Variants in GLP1R observed in about 807,000 individuals in gnomAD.
The protein encoded by GLP1R is glucagon-like peptide 1 receptor.
A neutral mutation model predicts 68.4 loss-of-function variants in GLP1R; 32 were observed. The observed-to-expected ratio is 0.47, with a 90% confidence interval of 0.35 to 0.63. The LOEUF (loss-of-function observed/expected upper bound fraction) is 0.63, where lower values mean the gene tolerates loss of function less well. GLP1R is among the 20% of genes least tolerant of loss of function. GLP1R has a pLI of 0.00. For missense variants in GLP1R, 502 were observed against 594.9 expected (o/e 0.84, Z 1.62); for synonymous variants, 263 against 244.4 (o/e 1.08, Z -0.71).
intron 2 of GLP1R, 112 bp from the exon 3 acceptor site, chr6:39,057,360 C>A: frequency 1.4e-6 from 1 of 696,976 alleles, no homozygotes; most frequent in East Asian, 2.7e-5. Context: ...AAGCATTCAG[C>A]AGAGGTTAGT....
At chr6:39,076,208 A>G (rs1317144669) in intron 7 of GLP1R, among the ~76,000 whole-genome samples, 2 of 152,186 alleles carry the variant, frequency 1.3e-5, no homozygotes, top group African/African-American at 4.8e-5. Flanking sequence ...TACGTGGTTC[A>G]GGAAATCGGC....
Position 39,079,037 on chromosome 6 carries a change from G to T in GLP1R, c.954+11G>T, listed in dbSNP as rs769093397. 2 of 1,613,570 alleles carry T rather than the reference G, an allele frequency of 1.2e-6. No homozygotes were observed. Among genetic ancestry groups the T allele is most frequent in the South Asian group, 1.1e-5 (1 of 91,068 alleles). ...CTCTTTGCCATTGGGGTGAGTGATG[G>T]TGTCAGGGATGGGAGTGGCAGCTAT... On this transcript the variant is annotated intron_variant, in intron 9 of 12. Transcript: ENST00000373256. The surrounding 1 kb of genome is among the most constrained non-coding windows in gnomAD (Gnocchi z 4.5).
chr6:39,055,779 A>G (rs1394003766), intron 1 of GLP1R, among the ~76,000 whole-genome samples: 1 of 152,062 alleles, frequency 6.6e-6, no homozygotes, highest in African/African-American at 2.4e-5. Flanking sequence ...TGGAGGAGGA[A>G]TGCTAATGGC....
In GLP1R at chr6:39,090,909, C is replaced by G. The variant is rs1769264711; in HGVS notation, c.*4836C>G. Among the ~76,000 whole-genome samples the G allele has an allele frequency of 6.6e-6, 1 of 152,108 alleles. No individual in the cohort carries two copies. The highest frequency in any genetic ancestry group is 1.5e-5 in the Non-Finnish European group (1 of 68,016). ...CCAGACAGCCAGTGCTTGATCTTGCCAAACAGTTTACACTTTACCTCCAAA... is the reference window on the plus strand; with the variant it reads ...CCAGACAGCCAGTGCTTGATCTTGCGAAACAGTTTACACTTTACCTCCAAA... On this transcript the variant is annotated 3_prime_UTR_variant, in exon 13 of 13. Coordinates refer to ENST00000373256, the MANE Select transcript of GLP1R (RefSeq NM_002062.5).
intron 7 of GLP1R, among the ~76,000 whole-genome samples, chr6:39,077,985 C>T (rs189476968): frequency 2.5e-4 from 38 of 152,246 alleles, no homozygotes; most frequent in Admixed American, 7.2e-4. Flanking sequence ...CTGTCCCCAC[C>T]GCATGGCCCA....
chr6:39,069,430 G>A (rs1338873922), intron 5 of GLP1R, among the ~76,000 whole-genome samples: 3 of 152,100 alleles, frequency 2.0e-5, no homozygotes, highest in Non-Finnish European at 2.9e-5. Flanking sequence ...TCAGGAGATC[G>A]AGACCATCCT....
rs1447708424 is a variant in GLP1R, at chr6:39,049,757, C to T, written c.78+839C>T. Among the ~76,000 whole-genome samples the T allele has an allele frequency of 6.6e-6, 1 of 152,184 alleles. No individual in the cohort carries two copies. The highest frequency in any genetic ancestry group is 6.5e-5 in the Admixed American group (1 of 15,288). On this transcript the variant is annotated intron_variant, in intron 1 of 12. Transcript: ENST00000373256. The surrounding 1 kb of genome is among the most constrained non-coding windows in gnomAD (Gnocchi z 4.5). Reference sequence around the variant, plus strand: ...GACCACCGCAGCCCCTCTCTCTTGCCCTTGTTGCTTTTCCTGCCCTGGGAT... The same window carrying T: ...GACCACCGCAGCCCCTCTCTCTTGCTCTTGTTGCTTTTCCTGCCCTGGGAT...
chr6:39,086,438 C>T lies in GLP1R; in HGVS notation c.*365C>T. ...TCAACCCCAGACTCAAACTCAAGGTCAACGGCTTATTAGTGAAACTGGGGC... is the reference window on the plus strand; with the variant it reads ...TCAACCCCAGACTCAAACTCAAGGTTAACGGCTTATTAGTGAAACTGGGGC... On this transcript the variant is annotated 3_prime_UTR_variant, in exon 13 of 13. Transcript: ENST00000373256. This position sits in a 1 kb window ranked among gnomAD's most constrained non-coding sequence, Gnocchi z 4.5. 1 of 192,154 alleles carries T rather than the reference C, an allele frequency of 5.2e-6. No individual in the cohort carries two copies. Among genetic ancestry groups the T allele is most frequent in the East Asian group, 1.2e-4 (1 of 8,218 alleles). The allele number at this position is 192,154 out of a possible 1,614,324, so 11.9% of individuals were successfully genotyped here.
intron 3 of GLP1R, among the ~76,000 whole-genome samples, chr6:39,064,074 A>G (rs1460450138): frequency 6.7e-6 from 1 of 148,340 alleles, no homozygotes; most frequent in African/African-American, 2.5e-5. Context: ...CTTGATCTTA[A>G]CTCACTACAA....
chr6:39,053,086 T>A lies in GLP1R; in HGVS notation c.79-3311T>A, dbSNP rs58908541. Among the ~76,000 whole-genome samples, 680 of 152,302 alleles carry A rather than the reference T, an allele frequency of 4.5e-3. 11 individuals are homozygous for A. The East Asian group carries it at 0.055, about 12-fold the overall frequency. On this transcript the variant is annotated intron_variant, in intron 1 of 12. Coordinates refer to ENST00000373256, the MANE Select transcript of GLP1R (RefSeq NM_002062.5). ...AGATCCCATGAAGCCTGTCAAGTCT[T>A]GATTCTAGAAACTGCCATCCTGCCC...
chr6:39,076,840 C>A (rs1254447876), intron 7 of GLP1R, among the ~76,000 whole-genome samples: 1 of 152,080 alleles, frequency 6.6e-6, no homozygotes, highest in Non-Finnish European at 1.5e-5. Context: ...GATTGCAGCC[C>A]TGAATTCGAG....
At chr6:39,075,114 G>A (rs1768778930) in intron 7 of GLP1R, among the ~76,000 whole-genome samples, 1 of 152,186 alleles carries the variant, frequency 6.6e-6, no homozygotes, top group Non-Finnish European at 1.5e-5. Flanking sequence ...TCTTGCCTGG[G>A]CTGCATCCCT....
chr6:39,054,851 G>A (rs191684198), intron 1 of GLP1R, among the ~76,000 whole-genome samples: 7 of 152,362 alleles, frequency 4.6e-5, no homozygotes, highest in Admixed American at 2.6e-4. Context: ...GAAGGGAAAC[G>A]GGGCGGTGGG....
At position 39,086,166 on chromosome 6, in the gene GLP1R, G is replaced by GAC. The variant is rs34093988; in HGVS notation, c.*131_*132dup. ...ACTCCCAGGGACAAGGGAAGGAAGG[G>GAC]ACACACACACACACACACACACACA... is the stretch of plus-strand genomic sequence containing the variant. On this transcript the variant is annotated 3_prime_UTR_variant, in exon 13 of 13. Transcript: ENST00000373256. The surrounding 1 kb of genome is among the most constrained non-coding windows in gnomAD (Gnocchi z 4.5). 44,421 of 578,176 alleles carry GAC rather than the reference G, an allele frequency of 0.077. 927 individuals carry two copies. The highest frequency in any genetic ancestry group is 0.13 in the African/African-American group (6,385 of 47,422). 35.8% of individuals were successfully genotyped at this position (578,176 alleles called of 1,614,324 possible). A position where few individuals can be genotyped will look rare whatever the true frequency, so the allele number is the denominator to read the frequency against.
At chr6:39,061,129 C>T (rs78878024) in intron 3 of GLP1R, among the ~76,000 whole-genome samples, 21,263 of 152,254 alleles carry the variant, frequency 0.14, 1,876 homozygotes, top group African/African-American at 0.23. Context: ...TACGCAGTGT[C>T]CTGGAGAAGC....
rs1425462102 is a variant in GLP1R at position 39,079,972 on chromosome 6, G to A, written c.1182+270G>A. Among the ~76,000 whole-genome samples, 2 of 152,118 alleles carry A rather than the reference G, an allele frequency of 1.3e-5. No homozygotes were observed. Among genetic ancestry groups the A allele is most frequent in the Admixed American group, 1.3e-4 (2 of 15,280 alleles). ...CTGGCATTGCAGCTGCCATCTACTT[G>A]GTGGCGAGCACCCTGCCAGGTGCTT... is the stretch of plus-strand genomic sequence containing the variant. On this transcript the variant is annotated intron_variant, in intron 11 of 12. Transcript: ENST00000373256. This position sits in a 1 kb window ranked among gnomAD's most constrained non-coding sequence, Gnocchi z 4.5.
chr6:39,083,388 C>T (rs902369368), intron 12 of GLP1R, among the ~76,000 whole-genome samples: 2 of 152,224 alleles, frequency 1.3e-5, no homozygotes, highest in South Asian at 4.1e-4. Flanking sequence ...GTTCTGCAGA[C>T]CCAGGGTTGC....
intron 3 of GLP1R, among the ~76,000 whole-genome samples, chr6:39,060,489 G>A (rs1768331598): frequency 6.6e-6 from 1 of 152,224 alleles, no homozygotes; most frequent in African/African-American, 2.4e-5. Flanking sequence ...AGAAGGAAGG[G>A]ACAAGAATGG....
intron 12 of GLP1R, among the ~76,000 whole-genome samples, chr6:39,084,569 C>T (rs972419799): frequency 6.6e-6 from 1 of 152,170 alleles, no homozygotes; most frequent in African/African-American, 2.4e-5. Flanking sequence ...GACTCAGGGC[C>T]CCCATCCCAG....
Sources: allele counts gnomAD v4.1 joint callset (sites outside exome capture counted in the v4.1 genomes callset), GRCh38; gene constraint gnomAD v4.1.1; non-coding constraint Gnocchi (gnomAD v3.1); transcripts MANE v1.5; gene names NCBI Gene and HGNC (gene_info 2026-07-23, HGNC 2026-07-21).